Variants in DLGAP2 observed in about 807,000 individuals in gnomAD.
The protein encoded by DLGAP2 is DLG associated protein 2.
DLGAP2 carries 26 observed loss-of-function variants against 100.3 expected under a neutral mutation model. The observed-to-expected ratio is 0.26, with a 90% CI of 0.19 to 0.36. The LOEUF is 0.36. Among genes scored for constraint, DLGAP2 ranks in the 10% least tolerant of loss-of-function variants. The pLI is 1.00. For synonymous variants in DLGAP2, 886 were observed against 630.1 expected, an observed-to-expected ratio of 1.41 and a Z score of -6.08; for missense variants, 1,858 against 1,453.2, an observed-to-expected ratio of 1.28 and a Z score of -4.53.
rs942381799 is a variant in DLGAP2 at position 865,190 on chromosome 8, G to A, written c.19-42722G>A. Among the ~76,000 whole-genome samples, 8 of 152,192 alleles carry A rather than the reference G, an allele frequency of 5.3e-5. No homozygotes were observed. The East Asian group carries it at 1.2e-3, about 22-fold the overall frequency. On this transcript the variant is annotated intron_variant, in intron 1 of 14. Transcript: ENST00000637795. ...GACGACGGGTGCCCTCGCTGGACAC[G>A]CTGTCTGCAACATCTTGGCTCCAGC...
chr8:868,820 C>G (rs150426917), intron 1 of DLGAP2, among the ~76,000 whole-genome samples: 1 of 152,164 alleles, frequency 6.6e-6, no homozygotes, highest in Non-Finnish European at 1.5e-5. Flanking sequence ...CTAGAGAGCG[C>G]GGTCACTGCA....
rs548267180 is a variant in DLGAP2 at position 1,356,263 on chromosome 8, AC to A, written c.106+97382del. 4.3e-3 allele frequency among the ~76,000 whole-genome samples: 659 copies of A among 152,210 alleles called. 6 individuals carry two copies. Among genetic ancestry groups the A allele is most frequent in the African/African-American group, 0.015 (632 of 41,520 alleles). On this transcript the variant is annotated intron_variant, in intron 3 of 14. Coordinates refer to ENST00000637795, the MANE Select transcript of DLGAP2 (RefSeq NM_001346810.2). ...CGGGGAGCCATGGTGCAGAAAGCTC[AC>A]CTGCTGTCAGCTGTCCTCTGGTTTT...
chr8:1,437,309 G>A (rs1032195539), intron 3 of DLGAP2, among the ~76,000 whole-genome samples: 1 of 152,280 alleles, frequency 6.6e-6, no homozygotes, highest in Non-Finnish European at 1.5e-5. Flanking sequence ...AGCCATGCGG[G>A]TTTGTATCAG....
At chr8:1,593,328 G>T (rs891753134) in intron 6 of DLGAP2, among the ~76,000 whole-genome samples, 3 of 151,998 alleles carry the variant, frequency 2.0e-5, no homozygotes, top group Non-Finnish European at 2.9e-5. Flanking sequence ...GGTGGCGGGC[G>T]CCTGTAGTCC....
intron 2 of DLGAP2, among the ~76,000 whole-genome samples, chr8:1,025,058 ATGTGCATGTG>A (rs550506048): frequency 5.9e-5 from 9 of 151,704 alleles, no homozygotes; most frequent in East Asian, 5.8e-4. Context: ...ATATGCGTGC[ATGTGCATGTG>A]TGTGCATGTG....
intron 2 of DLGAP2, among the ~76,000 whole-genome samples, chr8:1,200,962 G>C (rs1048710566): frequency 2.0e-5 from 3 of 152,198 alleles, no homozygotes; most frequent in African/African-American, 7.2e-5. Flanking sequence ...ACGGCGGGGC[G>C]CTGCGCTCGG....
chr8:1,526,105 A>G (rs777663899), intron 4 of DLGAP2, among the ~76,000 whole-genome samples: 53 of 151,216 alleles, frequency 3.5e-4, no homozygotes, highest in Non-Finnish European at 6.5e-4. Flanking sequence ...CAGATTTGGG[A>G]GTAACAATGT....
At chr8:919,491 A>G (rs1291230864) in intron 2 of DLGAP2, among the ~76,000 whole-genome samples, 2 of 152,076 alleles carry the variant, frequency 1.3e-5, no homozygotes, top group Non-Finnish European at 2.9e-5. Context: ...CTCCAAGGAA[A>G]GGCAAGTCCT....
rs532482826 is a variant in DLGAP2 at position 891,017 on chromosome 8, G to C, written c.19-16895G>C. ...ATTGGGTTTGCAGGGCTGTGTCCCT[G>C]ATTCCCTCCCCTCATCCCTTCATGG... is the stretch of plus-strand genomic sequence containing the variant. On this transcript the variant is annotated intron_variant, in intron 1 of 14. Transcript: ENST00000637795. 5.3e-5 allele frequency among the ~76,000 whole-genome samples: 8 copies of C among 152,180 alleles called. No individual in the cohort carries two copies. The East Asian group carries it at 9.8e-4, about 19-fold the overall frequency.
chr8:1,577,657 G>A lies in DLGAP2; in HGVS notation c.1442+11763G>A, dbSNP rs889036016. Reference sequence around the variant, plus strand: ...TATTGTGAGAAATGGAAGAGGAAAGGCATCCCTGCTGGAGGCTGCAGCCTG... The same window carrying A: ...TATTGTGAGAAATGGAAGAGGAAAGACATCCCTGCTGGAGGCTGCAGCCTG... On this transcript the variant is annotated intron_variant, in intron 6 of 14. Transcript: ENST00000637795. Among the ~76,000 whole-genome samples, 8 of 151,858 alleles carry A rather than the reference G, an allele frequency of 5.3e-5. No homozygotes were observed. In the South Asian group the frequency reaches 8.3e-4, roughly 16 times the overall value.
chr8:1,358,698 T>C (rs1801910055), intron 3 of DLGAP2, among the ~76,000 whole-genome samples: 1 of 152,116 alleles, frequency 6.6e-6, no homozygotes, highest in Non-Finnish European at 1.5e-5. Context: ...GAGAAACGTG[T>C]TATCCCCACT....
At chr8:1,479,300 G>C (rs1268283604) in intron 3 of DLGAP2, among the ~76,000 whole-genome samples, 1 of 152,248 alleles carries the variant, frequency 6.6e-6, no homozygotes, top group Admixed American at 6.5e-5. Flanking sequence ...GACAGAATAA[G>C]ATGCTGGGCG....
At chr8:1,318,456 T>C (rs1254351417) in intron 3 of DLGAP2, among the ~76,000 whole-genome samples, 1 of 150,464 alleles carries the variant, frequency 6.6e-6, no homozygotes, top group Non-Finnish European at 1.5e-5. Context: ...ATCTAGTATA[T>C]GCCAGTTAGC....
At chr8:1,696,710 C>A (rs1026921519) in intron 13 of DLGAP2, among the ~76,000 whole-genome samples, 3 of 152,174 alleles carry the variant, frequency 2.0e-5, no homozygotes, top group African/African-American at 7.2e-5. Flanking sequence ...AGAACGAGAG[C>A]TAAGAGCCGT....
intron 8 of DLGAP2, 89 bp from the exon 9 acceptor site, chr8:1,668,240 A>G: frequency 7.9e-7 from 1 of 1,265,774 alleles, no homozygotes; most frequent in African/African-American, 1.5e-5. Context: ...TTGCTCCGTC[A>G]ACCACAGGGC....
rs1446802509 is a variant in DLGAP2 at position 1,195,193 on chromosome 8, C to T, written c.74-63658C>T. On this transcript the variant is annotated intron_variant, in intron 2 of 14. Coordinates refer to ENST00000637795, the MANE Select transcript of DLGAP2 (RefSeq NM_001346810.2). ...AAGAGACGAGGGTGTCAGGAAGGTG[C>T]CCCATGGTCATCCCAGCTGGGACTG... is the stretch of plus-strand genomic sequence containing the variant. 3.9e-5 allele frequency among the ~76,000 whole-genome samples: 6 copies of T among 152,318 alleles called. No individual in the cohort carries two copies. In the East Asian group the frequency reaches 9.7e-4, roughly 25 times the overall value.
intron 2 of DLGAP2, among the ~76,000 whole-genome samples, chr8:1,000,204 G>T (rs554100378): frequency 1.3e-5 from 2 of 150,948 alleles, no homozygotes; most frequent in Non-Finnish European, 3.0e-5. Context: ...CTTTTGCACT[G>T]GATTTTCTCT....
At chr8:1,051,378 A>G (rs1802706818) in intron 2 of DLGAP2, among the ~76,000 whole-genome samples, 1 of 152,082 alleles carries the variant, frequency 6.6e-6, no homozygotes, top group African/African-American at 2.4e-5. Flanking sequence ...TTACCCTCAG[A>G]TGCAGAATGA....
intron 4 of DLGAP2, among the ~76,000 whole-genome samples, chr8:1,508,795 C>T (rs1043569285): frequency 6.6e-6 from 1 of 151,666 alleles, no homozygotes; most frequent in Non-Finnish European, 1.5e-5. Context: ...TGAGTGCGGA[C>T]TAAGCGCCCG....
Sources: allele counts gnomAD v4.1 joint callset (sites outside exome capture counted in the v4.1 genomes callset), GRCh38; gene constraint gnomAD v4.1.1; transcripts MANE v1.5; gene names NCBI Gene and HGNC (gene_info 2026-07-23, HGNC 2026-07-21).